FILIP1: variants seen among roughly 807,000 people sequenced by gnomAD.
The protein encoded by FILIP1 is filamin A interacting protein 1.
In FILIP1, 61 loss-of-function variants were observed where a neutral mutation model predicts 102.1. The observed-to-expected ratio is 0.60, with a 90% CI of 0.49 to 0.74. The LOEUF is 0.74. Ranked by LOEUF, FILIP1 falls within the 30% of genes least tolerant of loss-of-function variation. The pLI, the probability that FILIP1 is intolerant of heterozygous loss-of-function variation, is 0.00. For synonymous variants in FILIP1, 491 were observed against 526.9 expected, an observed-to-expected ratio of 0.93 and a Z score of 0.93; for missense variants, 1,314 against 1,441.2, an observed-to-expected ratio of 0.91 and a Z score of 1.43.
Position 75,361,651 on chromosome 6 carries a change from C to G in FILIP1, c.450+1093G>C, listed in dbSNP as rs190049820. On this transcript the variant is annotated intron_variant, in intron 3 of 5. Transcript: ENST00000237172. ...AACTATGTTAAGAGTTTTATAGGCACTGCTTTATTAAACCCTCACAGCAGT... is the reference window on the plus strand; with the variant it reads ...AACTATGTTAAGAGTTTTATAGGCAGTGCTTTATTAAACCCTCACAGCAGT... Among the ~76,000 whole-genome samples the G allele has an allele frequency of 1.3e-5, 2 of 152,290 alleles. 1 individual carries two copies. Among genetic ancestry groups the G allele is most frequent in the Admixed American group, 1.3e-4 (2 of 15,296 alleles).
intron 1 of FILIP1, among the ~76,000 whole-genome samples, chr6:75,457,145 G>C (rs1170975479): frequency 6.6e-6 from 1 of 152,084 alleles, no homozygotes; most frequent in Non-Finnish European, 1.5e-5. Context: ...TCCTTATGTT[G>C]AGTCTTCAAG....
intron 1 of FILIP1, among the ~76,000 whole-genome samples, chr6:75,489,329 C>T (rs1028810672): frequency 4.6e-5 from 7 of 152,044 alleles, no homozygotes; most frequent in African/African-American, 1.7e-4. Flanking sequence ...ATTGTGTCTG[C>T]TTAGAGTACC....
intron 4 of FILIP1, among the ~76,000 whole-genome samples, chr6:75,326,087 TAGA>T (rs1357070084): frequency 8.3e-5 from 11 of 133,210 alleles, no homozygotes; most frequent in South Asian, 7.6e-4. Context: ...GATAGATAGA[TAGA>T]TAGATTAGAT....
chr6:75,474,785 G>A (rs1384112824), intron 1 of FILIP1, among the ~76,000 whole-genome samples: 3 of 152,144 alleles, frequency 2.0e-5, no homozygotes. Flanking sequence ...TGGAGGTGGA[G>A]CCTGGTGGGA....
intron 2 of FILIP1, among the ~76,000 whole-genome samples, chr6:75,377,824 T>C (rs1260650967): frequency 6.6e-6 from 1 of 152,254 alleles, no homozygotes; most frequent in Non-Finnish European, 1.5e-5. Context: ...AAGTTTAGAT[T>C]CCAAGAGATA....
intron 1 of FILIP1, among the ~76,000 whole-genome samples, chr6:75,469,456 C>T (rs1028924258): frequency 6.6e-6 from 1 of 151,874 alleles, no homozygotes; most frequent in Non-Finnish European, 1.5e-5. Flanking sequence ...TTCAAATATA[C>T]TCCCCTCTCC....
At chr6:75,377,741 T>C (rs1366145984) in intron 2 of FILIP1, among the ~76,000 whole-genome samples, 1 of 152,158 alleles carries the variant, frequency 6.6e-6, no homozygotes, top group Non-Finnish European at 1.5e-5. Context: ...CAACAATTTA[T>C]TGTGCTTCTT....
intron 4 of FILIP1, among the ~76,000 whole-genome samples, chr6:75,317,413 T>A (rs527680860): frequency 4.6e-5 from 7 of 152,228 alleles, no homozygotes; most frequent in African/African-American, 1.4e-4. Context: ...GACAGATACA[T>A]AGACTCAATA....
At position 75,365,184 on chromosome 6, in the gene FILIP1, T is replaced by C. The variant is rs193058288; in HGVS notation, c.277-2267A>G. Reference sequence around the variant, plus strand: ...CTTATAGAGCAGACATAGAATGTACTGTCCTTTGAAAAAATAAATAAATAA... The same window carrying C: ...CTTATAGAGCAGACATAGAATGTACCGTCCTTTGAAAAAATAAATAAATAA... On this transcript the variant is annotated intron_variant, in intron 2 of 5. Coordinates refer to ENST00000237172, the MANE Select transcript of FILIP1 (RefSeq NM_015687.5). Among the ~76,000 whole-genome samples, 12 of 151,550 alleles carry C rather than the reference T, an allele frequency of 7.9e-5. No individual in the cohort carries two copies. The East Asian group carries it at 1.9e-3, about 24-fold the overall frequency.
At chr6:75,458,779 C>A (rs1470112018) in intron 1 of FILIP1, 1 of 152,190 alleles carries the variant, frequency 6.6e-6, no homozygotes, top group African/African-American at 2.4e-5. Context: ...CCTACTCCTA[C>A]TTTTTCTTGG....
At chr6:75,332,279 A>C (rs866156780) in intron 4 of FILIP1, among the ~76,000 whole-genome samples, 12 of 152,328 alleles carry the variant, frequency 7.9e-5, no homozygotes, top group African/African-American at 2.9e-4. Context: ...TATGTTTCAA[A>C]GTACTTTTCA....
At chr6:75,465,473 A>T in intron 1 of FILIP1, 1 of 970,472 alleles carries the variant, frequency 1.0e-6, no homozygotes, top group South Asian at 1.4e-5. Context: ...CAGAATTCAT[A>T]TAGCATCAAA....
In FILIP1 at chr6:75,313,503, C is replaced by G; in HGVS notation, c.2329G>C (p.Glu777Gln). The change falls in exon 5 of 6, where the codon GAG becomes CAG. Residue 777 changes from glutamate (E) to glutamine (Q), a missense_variant. Physicochemically the swap from Glu to Gln is conservative, Grantham distance 29 (BLOSUM62 2). Around this residue, in one of 3 missense-constraint regions of FILIP1, gnomAD observed 816 missense variants for 913.1 expected, o/e 0.89. Coordinates refer to ENST00000237172, the MANE Select transcript of FILIP1 (RefSeq NM_015687.5). This position sits in a 1 kb window ranked among gnomAD's most constrained non-coding sequence, Gnocchi z 4.2. ...QEVLNLTKEL[E>Q]LSKRYSRALR... ...GCTCTGCTGTAGCGCTTGGAAAGCT[C>G]CAACTCTTTGGTCAGATTGAGAACC... 6.2e-7 allele frequency: 1 copy of G among 1,614,186 alleles called. No individual in the cohort carries two copies. Among genetic ancestry groups the G allele is most frequent in the South Asian group, 1.1e-5 (1 of 91,084 alleles).
chr6:75,341,948 G>A (rs1774433310), intron 4 of FILIP1, among the ~76,000 whole-genome samples: 1 of 152,096 alleles, frequency 6.6e-6, no homozygotes, highest in African/African-American at 2.4e-5. Context: ...GATCCCTTTA[G>A]GTATTACATG....
chr6:75,491,947 T>C (rs992081296), intron 1 of FILIP1, among the ~76,000 whole-genome samples: 2 of 152,124 alleles, frequency 1.3e-5, no homozygotes, highest in Non-Finnish European at 2.9e-5. Context: ...ACACATACAT[T>C]TTTAAGTCAA....
intron 1 of FILIP1, among the ~76,000 whole-genome samples, chr6:75,420,012 G>T (rs1050976845): frequency 6.6e-6 from 1 of 151,922 alleles, no homozygotes. Flanking sequence ...AATAACTAAG[G>T]TTTTTACTTA....
exon 7 of FILIP1, chr6:75,294,853 C>T (rs944120286): frequency 6.7e-6 from 1 of 149,686 alleles, no homozygotes; most frequent in African/African-American, 2.5e-5. Flanking sequence ...CAATCAGGCC[C>T]AGCTAACTTC....
chr6:75,408,979 G>A (rs1028417438), intron 2 of FILIP1, among the ~76,000 whole-genome samples: 4 of 152,224 alleles, frequency 2.6e-5, no homozygotes, highest in Admixed American at 6.5e-5. Flanking sequence ...CATCTAGATT[G>A]TACCAAACAT....
chr6:75,392,131 A>T (rs1776297398), intron 2 of FILIP1, among the ~76,000 whole-genome samples: 1 of 151,976 alleles, frequency 6.6e-6, no homozygotes, highest in Non-Finnish European at 1.5e-5. Flanking sequence ...GTTCATTCTC[A>T]TTCTTCATTG....
Sources: gnomAD v4.1 joint callset for allele counts (sites outside exome capture counted in the v4.1 genomes callset) on GRCh38, gnomAD v4.1.1 for gene constraint, gnomAD v4.1.1 regional missense constraint, Gnocchi (gnomAD v3.1) non-coding constraint, MANE v1.5 for transcripts, NCBI Gene and HGNC (gene_info 2026-07-23, HGNC 2026-07-21) for gene names.